MAPDA: variants seen among roughly 807,000 people sequenced by gnomAD.
MAPDA encodes the protein N6-Methyl-AMP deaminase, also known as N6,N6-dimethyl-AMP deaminase.
chr15:43,341,184 A>G, the MAPDA span, among the ~76,000 whole-genome samples: 1 of 152,184 alleles, frequency 6.6e-6, no homozygotes, highest in East Asian at 1.9e-4. Context: ...TAGCTCAGTA[A>G]TCATTTGGGG....
chr15:43,349,090 C>T, the MAPDA span: 1 of 1,612,648 alleles, frequency 6.2e-7, no homozygotes, highest in Non-Finnish European at 8.5e-7. Context: ...CTCTGTCTCT[C>T]CCCCAATCCC....
chr15:43,330,612 C>T, the MAPDA span: 4 of 1,170,292 alleles, frequency 3.4e-6, no homozygotes, highest in Non-Finnish European at 4.6e-6. Context: ...TCCCCTTCCG[C>T]CGGCACTTGT....
At chr15:43,343,177 A>G in the MAPDA span, 1 of 764,956 alleles carries the variant, frequency 1.3e-6, no homozygotes, top group Non-Finnish European at 2.0e-6. Context: ...TTAATCATTC[A>G]TTGATTTATA....
At chr15:43,344,063 A>G in the MAPDA span, among the ~76,000 whole-genome samples, 1 of 152,180 alleles carries the variant, frequency 6.6e-6, no homozygotes, top group Non-Finnish European at 1.5e-5. Flanking sequence ...AGCATATGTA[A>G]TTAATAAAAC....
At chr15:43,341,207 A>C in the MAPDA span, among the ~76,000 whole-genome samples, 1 of 152,154 alleles carries the variant, frequency 6.6e-6, no homozygotes, top group East Asian at 1.9e-4. Context: ...AAAATTTTTG[A>C]AACTTATTGT....
At chr15:43,347,539 C>A in the MAPDA span, among the ~76,000 whole-genome samples, 2 of 152,184 alleles carry the variant, frequency 1.3e-5, no homozygotes, top group African/African-American at 4.8e-5. Context: ...TGCCCCTCAT[C>A]AGCCCCAAGC....
At chr15:43,337,571 C>T in the MAPDA span, among the ~76,000 whole-genome samples, 1 of 152,084 alleles carries the variant, frequency 6.6e-6, no homozygotes, top group Non-Finnish European at 1.5e-5. Context: ...TTAAAATGTT[C>T]TCTTTCTAAA....
chr15:43,347,199 T>C, the MAPDA span: 1 of 909,008 alleles, frequency 1.1e-6, no homozygotes, highest in Non-Finnish European at 1.7e-6. Flanking sequence ...AAACATTTTT[T>C]AAAAAGGGAA....
chr15:43,340,953 A>G, the MAPDA span, among the ~76,000 whole-genome samples: 1 of 152,184 alleles, frequency 6.6e-6, no homozygotes, highest in Non-Finnish European at 1.5e-5. Flanking sequence ...TAGTTACTAA[A>G]ATGTAGGTTA....
chr15:43,340,914 T>C, the MAPDA span, among the ~76,000 whole-genome samples: 8 of 152,214 alleles, frequency 5.3e-5, no homozygotes, highest in African/African-American at 1.7e-4. Context: ...GACAATGCCA[T>C]TGAGTGGATG....
chr15:43,354,204 G>A, the MAPDA span: 1 of 152,138 alleles, frequency 6.6e-6, no homozygotes, highest in Non-Finnish European at 1.5e-5. Flanking sequence ...TCTTTATTGT[G>A]GTGTGAGAGC....
At chr15:43,335,522 A>G in the MAPDA span, among the ~76,000 whole-genome samples, 1 of 152,166 alleles carries the variant, frequency 6.6e-6, no homozygotes, top group Non-Finnish European at 1.5e-5. Flanking sequence ...TGACAGAGGG[A>G]GACTCCATCT....
chr15:43,339,993 T>TA, the MAPDA span, among the ~76,000 whole-genome samples: 4 of 152,158 alleles, frequency 2.6e-5, no homozygotes, highest in Non-Finnish European at 4.4e-5. Context: ...AATAAATGTT[T>TA]AAAAGGGGGA....
chr15:43,333,584 A>C, the MAPDA span: 5 of 152,210 alleles, frequency 3.3e-5, no homozygotes, highest in African/African-American at 1.2e-4. Flanking sequence ...TCTCATACTA[A>C]GTAGGCCTTT....
At chr15:43,330,454 C>G in the MAPDA span, 3 of 1,530,100 alleles carry the variant, frequency 2.0e-6, no homozygotes, top group African/African-American at 4.2e-5. Context: ...TGTTCTGTAC[C>G]GCGCCTGCCC....
chr15:43,352,203 G>A, the MAPDA span: 5 of 350,558 alleles, frequency 1.4e-5, no homozygotes, highest in Non-Finnish European at 2.6e-5. Context: ...TTGTGACTCA[G>A]CAGTCCTTCC....
At chr15:43,340,379 T>C in the MAPDA span, 2 of 1,580,786 alleles carry the variant, frequency 1.3e-6, no homozygotes, top group Non-Finnish European at 1.7e-6. Context: ...TCAGCAAATG[T>C]ACTGTCCTTT....
chr15:43,335,234 T>C, the MAPDA span: 1 of 1,558,950 alleles, frequency 6.4e-7, no homozygotes, highest in Non-Finnish European at 8.8e-7. Context: ...TGTTGCTTCT[T>C]TTCATCAAAG....
the MAPDA span, among the ~76,000 whole-genome samples, chr15:43,334,219 T>C: frequency 6.6e-6 from 1 of 152,112 alleles, no homozygotes; most frequent in Non-Finnish European, 1.5e-5. Flanking sequence ...TGAAGGTGAG[T>C]GACTAAGGCC....
Sources: allele counts gnomAD v4.1 joint callset (sites outside exome capture counted in the v4.1 genomes callset), GRCh38; gene constraint gnomAD v4.1.1; transcripts MANE v1.5; gene names NCBI Gene and HGNC (gene_info 2026-07-23, HGNC 2026-07-21).